The following ASTN1 variants were observed in gnomAD, a reference collection of about 807,000 sequenced individuals.
ASTN1 encodes the protein astrotactin-1.
A neutral mutation model predicts 140.7 loss-of-function variants in ASTN1; 41 were observed. The ratio of observed to expected loss-of-function variants is 0.29; its 90% CI spans 0.23 to 0.38. The LOEUF is 0.38. ASTN1 is among the 10% of genes least tolerant of loss of function. The pLI is 1.00. For synonymous variants in ASTN1, 640 were observed against 652.2 expected (o/e 0.98, Z 0.29); for missense variants, 1,479 against 1,678.8 (o/e 0.88, Z 2.08).
At chr1:177,087,605 G>A (rs1679539047) in intron 1 of ASTN1, among the ~76,000 whole-genome samples, 1 of 152,128 alleles carries the variant, frequency 6.6e-6, no homozygotes, top group East Asian at 1.9e-4. Context: ...AGAAATACTA[G>A]TAAATCCTTT....
rs117067116 is a variant in ASTN1, at chr1:176,904,673, C to G, written c.2672-9843G>C. 0.011 allele frequency among the ~76,000 whole-genome samples: 1,672 copies of G among 152,264 alleles called. 69 individuals carry two copies. In the East Asian group the frequency reaches 0.13, roughly 11 times the overall value. On this transcript the variant is annotated intron_variant, in intron 16 of 22. Coordinates refer to ENST00000361833, the MANE Select transcript of ASTN1 (RefSeq NM_004319.3). ...CCCAGCCTTGTTCCTGCTTGGGAGG[C>G]TGAGCTGAGAAGCCAAGTGTGCATC...
At chr1:176,882,428 G>A (rs749072882) in intron 20 of ASTN1, among the ~76,000 whole-genome samples, 7 of 152,138 alleles carry the variant, frequency 4.6e-5, no homozygotes, top group Non-Finnish European at 8.8e-5. Context: ...CTTTGCCTTT[G>A]CAGCTTCCTG....
intron 1 of ASTN1, among the ~76,000 whole-genome samples, chr1:177,082,558 C>T (rs181240477): frequency 6.6e-6 from 1 of 152,274 alleles, no homozygotes; most frequent in African/African-American, 2.4e-5. Flanking sequence ...GGAGACTTTG[C>T]AGAAGAAGAA....
At chr1:177,126,360 A>G (rs1681646926) in intron 1 of ASTN1, among the ~76,000 whole-genome samples, 1 of 152,166 alleles carries the variant, frequency 6.6e-6, no homozygotes, top group African/African-American at 2.4e-5. Context: ...TCCCTTGGCT[A>G]GAGACATACA....
At chr1:176,974,607 G>A (rs1284370903) in intron 8 of ASTN1, among the ~76,000 whole-genome samples, 2 of 152,112 alleles carry the variant, frequency 1.3e-5, no homozygotes, top group African/African-American at 2.4e-5. Context: ...GGTTGGTCTC[G>A]AACTCCTGAC....
intron 1 of ASTN1, among the ~76,000 whole-genome samples, chr1:177,070,154 C>A (rs1678566883): frequency 6.6e-6 from 1 of 152,162 alleles, no homozygotes; most frequent in African/African-American, 2.4e-5. Context: ...CTGATTTGAG[C>A]TTTGCAAGTC....
chr1:177,126,343 TC>T (rs1479624614), intron 1 of ASTN1, among the ~76,000 whole-genome samples: 3 of 152,136 alleles, frequency 2.0e-5, no homozygotes, highest in Non-Finnish European at 4.4e-5. Flanking sequence ...GAGTGACAGA[TC>T]CTCCTTCCCT....
rs1279508691 is a variant in ASTN1, at chr1:176,942,820, GTATATATATATATATGTATA to G, written c.2377+1051_2377+1070del. On this transcript the variant is annotated intron_variant, in intron 14 of 22. Coordinates refer to ENST00000361833, the MANE Select transcript of ASTN1 (RefSeq NM_004319.3). ...CCAAACCAATGTACTTTGTGTGTGT[GTATATATATATATATGTATA>G]TATATATATATATATATATATATAT... is the stretch of plus-strand genomic sequence containing the variant. Among the ~76,000 whole-genome samples the G allele has an allele frequency of 8.6e-3, 217 of 25,316 alleles. 11 individuals are homozygous for G. The highest frequency in any genetic ancestry group is 0.019 in the African/African-American group (155 of 8,294). The allele number at this position is 25,316 out of a possible 152,430, so 16.6% of individuals were successfully genotyped here.
intron 1 of ASTN1, among the ~76,000 whole-genome samples, chr1:177,088,642 A>G (rs1445611483): frequency 6.6e-6 from 1 of 152,154 alleles, no homozygotes; most frequent in African/African-American, 2.4e-5. Flanking sequence ...TAAAAATTAT[A>G]TTAAATATAT....
chr1:176,924,114 A>G (rs1670854847), intron 16 of ASTN1, among the ~76,000 whole-genome samples: 1 of 152,222 alleles, frequency 6.6e-6, no homozygotes, highest in South Asian at 2.1e-4. Context: ...AAAATGCGCT[A>G]AACAAATTGG....
chr1:177,030,081 G>A (rs1343525570), intron 4 of ASTN1, among the ~76,000 whole-genome samples: 2 of 152,188 alleles, frequency 1.3e-5, no homozygotes, highest in African/African-American at 4.8e-5. Flanking sequence ...CTGTTAATAT[G>A]AGACTATCTA....
chr1:177,137,760 G>T (rs1682267311), intron 1 of ASTN1, among the ~76,000 whole-genome samples: 1 of 152,144 alleles, frequency 6.6e-6, no homozygotes, highest in African/African-American at 2.4e-5. Context: ...TGGGTCTCCT[G>T]CCTCTTAGCC....
intron 1 of ASTN1, among the ~76,000 whole-genome samples, chr1:177,130,045 G>T (rs1224895503): frequency 6.6e-6 from 1 of 152,228 alleles, no homozygotes; most frequent in Non-Finnish European, 1.5e-5. Context: ...AGATTAGAAA[G>T]CTGAGGCTCA....
At chr1:177,145,908 T>C (rs913440825) in intron 1 of ASTN1, among the ~76,000 whole-genome samples, 5 of 152,234 alleles carry the variant, frequency 3.3e-5, no homozygotes, top group Admixed American at 6.5e-5. Context: ...CCCAAAAATC[T>C]TGGCCTCTGC....
chr1:177,102,443 T>A (rs1386801326), intron 1 of ASTN1, among the ~76,000 whole-genome samples: 9 of 152,160 alleles, frequency 5.9e-5, no homozygotes, highest in Non-Finnish European at 1.3e-4. Context: ...ATCACACACC[T>A]TCCTACTGAG....
chr1:177,149,184 A>ATATATATAGTAAATATATATAGTG (rs1165481508), intron 1 of ASTN1, among the ~76,000 whole-genome samples: 13 of 98,046 alleles, frequency 1.3e-4, no homozygotes, highest in Non-Finnish European at 2.0e-4. Flanking sequence ...TATATAGTGT[A>ATATATATAGTAAATATATATAGTG]TATATATAGT....
intron 16 of ASTN1, among the ~76,000 whole-genome samples, chr1:176,897,480 T>C (rs1307854362): frequency 2.6e-5 from 4 of 152,112 alleles, no homozygotes; most frequent in Non-Finnish European, 4.4e-5. Flanking sequence ...GCCCTCCTTG[T>C]TGAGAATTTG....
rs1671798621 is a variant in ASTN1, at chr1:176,942,865, TAG to T, written c.2377+1024_2377+1025del. ...ATATATATATATATATATATATATA[TAG>T]ATTGATGTCTCATGTCTCCTTAAAA... On this transcript the variant is annotated intron_variant, in intron 14 of 22. Coordinates refer to ENST00000361833, the MANE Select transcript of ASTN1 (RefSeq NM_004319.3). 4.8e-4 allele frequency among the ~76,000 whole-genome samples: 53 copies of T among 110,656 alleles called. 1 individual carries two copies. The highest frequency in any genetic ancestry group is 1.1e-3 in the African/African-American group (36 of 32,126). 72.6% of individuals were successfully genotyped at this position (110,656 alleles called of 152,430 possible). A position where few individuals can be genotyped will look rare whatever the true frequency, so the allele number is the denominator to read the frequency against.
intron 16 of ASTN1, among the ~76,000 whole-genome samples, chr1:176,931,859 A>G (rs1571527956): frequency 1.3e-5 from 2 of 152,198 alleles, no homozygotes; most frequent in Non-Finnish European, 2.9e-5. Context: ...CAAAGAACCT[A>G]CTCATGAGAA....
Sources: gnomAD v4.1 joint callset for allele counts (sites outside exome capture counted in the v4.1 genomes callset) on GRCh38, gnomAD v4.1.1 for gene constraint, MANE v1.5 for transcripts, NCBI Gene and HGNC (gene_info 2026-07-23, HGNC 2026-07-21) for gene names.